Variants in FRMD3 observed in about 807,000 individuals in gnomAD.
FRMD3 encodes the protein FERM domain-containing protein 3.
Under a neutral mutation model 70.2 loss-of-function variants are expected in FRMD3, and 33 were observed. That is an observed-to-expected ratio of 0.47 (90% confidence interval 0.36 to 0.63). The LOEUF is 0.63. Among genes scored for constraint, FRMD3 ranks in the 20% least tolerant of loss-of-function variants. The pLI is 0.00. For missense variants in FRMD3, 632 were observed against 711.4 expected (o/e 0.89, Z 1.27); for synonymous variants, 279 against 255.9 (o/e 1.09, Z -0.86).
chr9:83,446,452 C>A (rs1188337635), intron 1 of FRMD3, among the ~76,000 whole-genome samples: 1 of 151,734 alleles, frequency 6.6e-6, no homozygotes, highest in Non-Finnish European at 1.5e-5. Flanking sequence ...TCAAGACCAT[C>A]CTGGCTAACA....
At chr9:83,434,175 G>A (rs1043432885) in intron 1 of FRMD3, among the ~76,000 whole-genome samples, 11 of 152,192 alleles carry the variant, frequency 7.2e-5, no homozygotes, top group Non-Finnish European at 1.2e-4. Flanking sequence ...AAAAAATAAA[G>A]ATTGCTCCTG....
chr9:83,460,828 T>C (rs1414788957), intron 1 of FRMD3, among the ~76,000 whole-genome samples: 1 of 152,204 alleles, frequency 6.6e-6, no homozygotes, highest in East Asian at 1.9e-4. Flanking sequence ...AGTATCCCAA[T>C]TTTTAAATGT....
rs761551181 is a variant in FRMD3 at position 83,335,499 on chromosome 9, G to A, written c.596+17C>T. 12 of 1,599,404 alleles carry A rather than the reference G, an allele frequency of 7.5e-6. No individual in the cohort carries two copies. The highest frequency in any genetic ancestry group is 1.0e-5 in the Non-Finnish European group (12 of 1,168,572). On this transcript the variant is annotated intron_variant, in intron 6 of 13. Transcript: ENST00000304195. Reference sequence around the variant, plus strand: ...TCTCCCCTTTATCATTTTCACAAATGTCTACTCAGTAATTACCTGAGTTCA... The same window carrying A: ...TCTCCCCTTTATCATTTTCACAAATATCTACTCAGTAATTACCTGAGTTCA...
intron 1 of FRMD3, among the ~76,000 whole-genome samples, chr9:83,444,032 TTTAAC>T (rs1827384685): frequency 6.6e-6 from 1 of 152,244 alleles, no homozygotes; most frequent in Non-Finnish European, 1.5e-5. Context: ...TTGCTTCCTT[TTTAAC>T]ATGTTCAAAT....
chr9:83,479,093 C>A (rs192092209), intron 1 of FRMD3, among the ~76,000 whole-genome samples: 273 of 151,930 alleles, frequency 1.8e-3, no homozygotes, highest in African/African-American at 6.4e-3. Context: ...CAACACAGTA[C>A]CAAACTAGGA....
chr9:83,306,080 ACT>A (rs1266876817), intron 10 of FRMD3, among the ~76,000 whole-genome samples: 1 of 151,886 alleles, frequency 6.6e-6, no homozygotes, highest in African/African-American at 2.4e-5. Flanking sequence ...CCTTTATTTA[ACT>A]CTGTCTCCCA....
At chr9:83,394,244 A>G (rs1825751468) in intron 1 of FRMD3, among the ~76,000 whole-genome samples, 1 of 152,158 alleles carries the variant, frequency 6.6e-6, no homozygotes, top group Non-Finnish European at 1.5e-5. Flanking sequence ...TCTCCTGGGT[A>G]TGGCAGGATA....
At chr9:83,270,485 GACA>G (rs1833498564) in intron 13 of FRMD3, among the ~76,000 whole-genome samples, 2 of 152,208 alleles carry the variant, frequency 1.3e-5, no homozygotes, top group African/African-American at 4.8e-5. Flanking sequence ...GTAAAATGGA[GACA>G]ACAACTCCTC....
At chr9:83,332,049 C>T in intron 6 of FRMD3, 1 of 621,066 alleles carries the variant, frequency 1.6e-6, no homozygotes, top group Non-Finnish European at 2.9e-6. Context: ...TGGGCGGAGC[C>T]CCCCAGCTGG....
intron 1 of FRMD3, among the ~76,000 whole-genome samples, chr9:83,506,842 A>G (rs1333433205): frequency 6.6e-6 from 1 of 152,230 alleles, no homozygotes; most frequent in African/African-American, 2.4e-5. Context: ...ACAGCTGCAC[A>G]TAATATTTTC....
At chr9:83,359,129 A>G (rs1311760903) in intron 3 of FRMD3, among the ~76,000 whole-genome samples, 1 of 152,200 alleles carries the variant, frequency 6.6e-6, no homozygotes, top group South Asian at 2.1e-4. Flanking sequence ...TCCAAAGCAG[A>G]GACAGGTTTT....
upstream of FRMD3, among the ~76,000 whole-genome samples, chr9:83,541,470 A>ACCTCTCTTTAACTG (rs1829999031): frequency 6.6e-6 from 1 of 152,240 alleles, no homozygotes; most frequent in Admixed American, 6.5e-5. Flanking sequence ...GTATTTCCAC[A>ACCTCTCTTTAACTG]TGTGGCCAGC....
intron 4 of FRMD3, among the ~76,000 whole-genome samples, chr9:83,346,250 C>A (rs1823956479): frequency 9.7e-6 from 1 of 102,908 alleles, no homozygotes. Flanking sequence ...AGCAAGACGC[C>A]ATCTCAAAAA....
At chr9:83,265,842 G>C (rs961004674) in intron 13 of FRMD3, among the ~76,000 whole-genome samples, 1 of 152,068 alleles carries the variant, frequency 6.6e-6, no homozygotes. Flanking sequence ...GTTACAATTC[G>C]TATATCCTTC....
the FRMD3 span, among the ~76,000 whole-genome samples, chr9:83,568,943 GATAGATAGATAGATAC>G: frequency 0.016 from 1,938 of 124,524 alleles, 18 homozygotes; most frequent in Non-Finnish European, 0.022. Context: ...TAGATAGATA[GATAGATAGATAGATAC>G]ATACATACAT....
intron 1 of FRMD3, among the ~76,000 whole-genome samples, chr9:83,494,864 C>CGT (rs1564103872): frequency 2.8e-5 from 4 of 145,318 alleles, no homozygotes. Context: ...TGTGTGCGCG[C>CGT]GCGCATGTGC....
At position 83,349,541 on chromosome 9, in the gene FRMD3, C is replaced by A. The variant is rs1489763901; in HGVS notation, c.374+138G>T. On this transcript the variant is annotated intron_variant, in intron 4 of 13. Transcript: ENST00000304195. ...AACAATTCAGTGTAAGAGAAGCATTCCAAGCAAAAACGCTGAATTCCAAGC... is the reference window on the plus strand; with the variant it reads ...AACAATTCAGTGTAAGAGAAGCATTACAAGCAAAAACGCTGAATTCCAAGC... The A allele has an allele frequency of 5.1e-6, 3 of 584,986 alleles. No homozygotes were observed. The African/African-American group carries it at 5.6e-5, about 11-fold the overall frequency. 36.2% of individuals were successfully genotyped at this position (584,986 alleles called of 1,614,324 possible). A position where few individuals can be genotyped will look rare whatever the true frequency, so the allele number is the denominator to read the frequency against.
intron 1 of FRMD3, among the ~76,000 whole-genome samples, chr9:83,482,763 G>A (rs963868206): frequency 6.6e-6 from 1 of 152,152 alleles, no homozygotes; most frequent in Non-Finnish European, 1.5e-5. Flanking sequence ...AGAAATAAAG[G>A]TGCTCCAGTT....
intron 7 of FRMD3, among the ~76,000 whole-genome samples, chr9:83,313,402 T>C (rs909194861): frequency 5.9e-5 from 9 of 152,178 alleles, no homozygotes; most frequent in Non-Finnish European, 1.0e-4. Flanking sequence ...AAACCATCCA[T>C]TTGATGAGTG....
Sources: gnomAD v4.1 joint callset for allele counts (sites outside exome capture counted in the v4.1 genomes callset) on GRCh38, gnomAD v4.1.1 for gene constraint, MANE v1.5 for transcripts, NCBI Gene and HGNC (gene_info 2026-07-23, HGNC 2026-07-21) for gene names.